SLC22A23: variants seen among roughly 807,000 people sequenced by gnomAD.
SLC22A23 encodes the protein ion transporter protein.
A neutral mutation model predicts 61.0 loss-of-function variants in SLC22A23; 26 were observed. The ratio of observed to expected loss-of-function variants is 0.43; its 90% CI spans 0.31 to 0.59. SLC22A23 has a LOEUF of 0.59. Ranked by LOEUF, SLC22A23 falls within the 20% of genes least tolerant of loss-of-function variation. The pLI is 0.11. For missense variants in SLC22A23, 796 were observed against 934.7 expected (o/e 0.85, Z 1.94); for synonymous variants, 430 against 413.9 (o/e 1.04, Z -0.47).
At chr6:3,370,827 G>A (rs1484943765) in intron 3 of SLC22A23, among the ~76,000 whole-genome samples, 4 of 152,224 alleles carry the variant, frequency 2.6e-5, no homozygotes, top group African/African-American at 9.6e-5. Context: ...ACCTGCAGCA[G>A]GGACTATTAA....
Position 3,286,887 on chromosome 6 carries a change from G to C in SLC22A23, c.1518C>G (p.Ala506=). ...LLLFMILTAL[A]SLLQLGLLNL... ...TGAGGAGGCCGAGCTGCAGGAGTGA[G>C]GCCAGGGCGGTGAGGATCATGAAGA... The change falls in exon 7 of 10, where the codon GCC becomes GCG. Residue 506 remains alanine, a synonymous_variant. Coordinates refer to ENST00000406686, the MANE Select transcript of SLC22A23 (RefSeq NM_015482.2). This position sits in a 1 kb window ranked among gnomAD's most constrained non-coding sequence, Gnocchi z 4.2. 6.2e-7 allele frequency: 1 copy of C among 1,609,644 alleles called. No individual in the cohort carries two copies. Among genetic ancestry groups the C allele is most frequent in the Non-Finnish European group, 8.5e-7 (1 of 1,178,270 alleles).
intron 1 of SLC22A23, among the ~76,000 whole-genome samples, chr6:3,426,078 G>T (rs1770468461): frequency 6.6e-6 from 1 of 152,140 alleles, no homozygotes; most frequent in Admixed American, 6.5e-5. Flanking sequence ...ATTTGTCAGG[G>T]GTCTGTGAAT....
intron 4 of SLC22A23, chr6:3,313,472 C>A (rs1329018976): frequency 6.6e-6 from 1 of 152,206 alleles, no homozygotes; most frequent in Admixed American, 6.5e-5. Flanking sequence ...TGACGCACCT[C>A]TTCCGTTTTC....
At chr6:3,358,485 C>T (rs1209055490) in intron 3 of SLC22A23, among the ~76,000 whole-genome samples, 1 of 152,140 alleles carries the variant, frequency 6.6e-6, no homozygotes, top group Non-Finnish European at 1.5e-5. Context: ...AGGACAAATA[C>T]TACATGATTC....
chr6:3,401,400 T>C (rs1476177032), intron 3 of SLC22A23, among the ~76,000 whole-genome samples: 1 of 151,766 alleles, frequency 6.6e-6, no homozygotes, highest in African/African-American at 2.4e-5. Context: ...GTAAACTGTA[T>C]GTAATGTATA....
intron 3 of SLC22A23, among the ~76,000 whole-genome samples, chr6:3,380,244 T>A (rs1433905292): frequency 2.0e-5 from 3 of 152,136 alleles, no homozygotes; most frequent in Non-Finnish European, 4.4e-5. Context: ...CAAACTGAAA[T>A]GAATTGGTCT....
chr6:3,372,664 A>T lies in SLC22A23; in HGVS notation c.913+37524T>A, dbSNP rs1454302983. Among the ~76,000 whole-genome samples the T allele has an allele frequency of 1.3e-5, 2 of 152,202 alleles. No individual in the cohort carries two copies. Among genetic ancestry groups the T allele is most frequent in the Non-Finnish European group, 2.9e-5 (2 of 68,026 alleles). On this transcript the variant is annotated intron_variant, in intron 3 of 9. Transcript: ENST00000406686. This position sits in a 1 kb window ranked among gnomAD's most constrained non-coding sequence, Gnocchi z 4.7. ...GCCTCCCAGCTCAGCTGGGAGCAGCAGGTGAGACCATGAGCATCCCAGGGA... is the reference window on the plus strand; with the variant it reads ...GCCTCCCAGCTCAGCTGGGAGCAGCTGGTGAGACCATGAGCATCCCAGGGA...
chr6:3,409,009 C>T lies in SLC22A23; in HGVS notation c.913+1179G>A, dbSNP rs149480894. On this transcript the variant is annotated intron_variant, in intron 3 of 9. Coordinates refer to ENST00000406686, the MANE Select transcript of SLC22A23 (RefSeq NM_015482.2). ...TGTCAGGGGTCAGGGCCATAGACAA[C>T]GGCACAGGCATTTTGCCTGGGGAGG... Among the ~76,000 whole-genome samples, 16 of 152,350 alleles carry T rather than the reference C, an allele frequency of 1.1e-4. No homozygotes were observed. The East Asian group carries it at 2.3e-3, about 22-fold the overall frequency.
At position 3,354,603 on chromosome 6, in the gene SLC22A23, T is replaced by C. The variant is rs79785732; in HGVS notation, c.914-30601A>G. ...AAAGGATGGGTGAACCATTTATTAG[T>C]GGGTAAAGCAATGGATGAACTGAAA... On this transcript the variant is annotated intron_variant, in intron 3 of 9. Coordinates refer to ENST00000406686, the MANE Select transcript of SLC22A23 (RefSeq NM_015482.2). Among the ~76,000 whole-genome samples the C allele has an allele frequency of 8.4e-3, 1,275 of 152,278 alleles. 4 individuals carry two copies. The highest frequency in any genetic ancestry group is 0.013 in the Admixed American group (194 of 15,294).
chr6:3,389,193 G>A lies in SLC22A23; in HGVS notation c.913+20995C>T, dbSNP rs553227304. ...TGAGGCAGGAGAATCACTGCAACCC[G>A]GGAGGTGGAGGTTGCAGTGAGCCAA... is the stretch of plus-strand genomic sequence containing the variant. On this transcript the variant is annotated intron_variant, in intron 3 of 9. Transcript: ENST00000406686. 5.3e-5 allele frequency among the ~76,000 whole-genome samples: 8 copies of A among 149,826 alleles called. No individual in the cohort carries two copies. The South Asian group carries it at 6.4e-4, about 12-fold the overall frequency.
intron 1 of SLC22A23, among the ~76,000 whole-genome samples, chr6:3,447,524 T>C (rs1771953106): frequency 6.6e-6 from 1 of 151,742 alleles, no homozygotes; most frequent in African/African-American, 2.4e-5. Context: ...CATAGCACAA[T>C]GCTCAGCTCA....
intron 1 of SLC22A23, among the ~76,000 whole-genome samples, chr6:3,422,436 T>C (rs538950840): frequency 4.6e-5 from 7 of 152,192 alleles, no homozygotes; most frequent in Non-Finnish European, 8.8e-5. Context: ...TTTCTCAACA[T>C]TTAGGGAGGC....
intron 4 of SLC22A23, among the ~76,000 whole-genome samples, chr6:3,311,091 AACAC>A (rs889589559): frequency 7.9e-5 from 12 of 152,218 alleles, no homozygotes; most frequent in African/African-American, 2.9e-4. Flanking sequence ...CTGGAGATGA[AACAC>A]ACACAGTGTC....
chr6:3,287,412 GC>G (rs1435556458), intron 6 of SLC22A23, among the ~76,000 whole-genome samples: 3 of 152,232 alleles, frequency 2.0e-5, no homozygotes, highest in African/African-American at 7.2e-5. Flanking sequence ...CCAAGACAAA[GC>G]GCTTTCCAGG....
rs1763130841 is a variant in SLC22A23 at position 3,324,049 on chromosome 6, GC to G, written c.914-48del. 6.3e-7 allele frequency: 1 copy of G among 1,596,676 alleles called. No individual in the cohort carries two copies. Among genetic ancestry groups the G allele is most frequent in the African/African-American group, 1.3e-5 (1 of 74,798 alleles). On this transcript the variant is annotated intron_variant, in intron 3 of 9. Transcript: ENST00000406686. This position sits in a 1 kb window ranked among gnomAD's most constrained non-coding sequence, Gnocchi z 4.3. ...AGAGAGATGAGTGCCCTGCTCGACA[GC>G]CCGAGAAGTCCTGGGTGCACCTGGG...
In SLC22A23 at chr6:3,342,070, C is replaced by T. The variant is rs968995577; in HGVS notation, c.914-18068G>A. On this transcript the variant is annotated intron_variant, in intron 3 of 9. Transcript: ENST00000406686. This position sits in a 1 kb window ranked among gnomAD's most constrained non-coding sequence, Gnocchi z 4.0. ...AATGAAGCTTTAATTAAGATTTCTT[C>T]TTAATGAAAGCTGCTAGTTTAGGTT... Among the ~76,000 whole-genome samples the T allele has an allele frequency of 5.3e-5, 8 of 151,932 alleles. No homozygotes were observed. The highest frequency in any genetic ancestry group is 4.6e-4 in the Admixed American group (7 of 15,268).
rs970734659 is a variant in SLC22A23, at chr6:3,390,128, C to G, written c.913+20060G>C. On this transcript the variant is annotated intron_variant, in intron 3 of 9. Transcript: ENST00000406686. The surrounding 1 kb of genome is among the most constrained non-coding windows in gnomAD (Gnocchi z 4.0). ...TCCGTGGGCTCATCCGGAACAGCAA[C>G]CAGCGGTGAGCCACAGTCAGGAAAA... is the stretch of plus-strand genomic sequence containing the variant. 1.3e-5 allele frequency among the ~76,000 whole-genome samples: 2 copies of G among 152,208 alleles called. No homozygotes were observed. The highest frequency in any genetic ancestry group is 1.9e-4 in the East Asian group (1 of 5,190).
Position 3,323,958 on chromosome 6 carries a change from C to T in SLC22A23, c.958G>A (p.Val320Met), listed in dbSNP as rs767810527. The change falls in exon 4 of 10, where the codon GTG (valine) becomes ATG (methionine). Residue 320 changes from valine to methionine, a missense_variant. Val to Met is a conservative substitution (Grantham distance 21). Coordinates refer to ENST00000406686, the MANE Select transcript of SLC22A23 (RefSeq NM_015482.2). ...PPGKRFMITM[V>M]ASFVAMAGQF... is the part of the protein sequence containing the mutation. ...CCCGCCATGGCCACGAAGCTCGCCACCATCGTAATCATGAACCGTTTTCCA... is the reference window on the plus strand; with the variant it reads ...CCCGCCATGGCCACGAAGCTCGCCATCATCGTAATCATGAACCGTTTTCCA... The T allele has an allele frequency of 4.3e-6, 7 of 1,614,248 alleles. No individual in the cohort carries two copies. Among genetic ancestry groups the T allele is most frequent in the South Asian group, 1.1e-5 (1 of 91,088 alleles).
chr6:3,422,585 G>T (rs1347873314), intron 1 of SLC22A23, among the ~76,000 whole-genome samples: 2 of 152,074 alleles, frequency 1.3e-5, no homozygotes, highest in African/African-American at 4.8e-5. Context: ...TTGCCTCTAA[G>T]CTCATCCTCC....
Sources: allele counts gnomAD v4.1 joint callset (sites outside exome capture counted in the v4.1 genomes callset), GRCh38; gene constraint gnomAD v4.1.1; non-coding constraint Gnocchi (gnomAD v3.1); transcripts MANE v1.5; gene names NCBI Gene and HGNC (gene_info 2026-07-23, HGNC 2026-07-21).